The following ZRANB1 variants were observed in gnomAD, a reference collection of about 807,000 sequenced individuals.
The protein encoded by ZRANB1 is ubiquitin thioesterase ZRANB1.
ZRANB1 carries 16 observed loss-of-function variants against 80.5 expected under a neutral mutation model. That is an observed-to-expected ratio of 0.20 (90% CI 0.13 to 0.30). The LOEUF is 0.30. Ranked by LOEUF, ZRANB1 falls within the 10% of genes least tolerant of loss-of-function variation. ZRANB1 has a pLI of 1.00. For synonymous variants in ZRANB1, 291 were observed against 293.1 expected (o/e 0.99, Z 0.07); for missense variants, 576 against 862.6 (o/e 0.67, Z 4.16).
At chr10:124,940,627 CTATAAATGGTG>C, upstream of ZRANB1, 1 of 928,348 alleles carries the variant, frequency 1.1e-6, no homozygotes, top group South Asian at 1.4e-5. Context: ...AGAGTTCACA[CTATAAATGGTG>C]TATGGACTTG....
intron 8 of ZRANB1, 79 bp from the exon 9 acceptor site, chr10:124,984,695 G>GT: frequency 7.0e-7 from 1 of 1,434,784 alleles, no homozygotes; most frequent in Admixed American, 1.9e-5. Flanking sequence ...CATACCAGCT[G>GT]TAGGTTTCCA....
the ZRANB1 span, among the ~76,000 whole-genome samples, chr10:124,919,727 T>A: frequency 3.4e-5 from 5 of 148,100 alleles, no homozygotes; most frequent in Non-Finnish European, 5.9e-5. Context: ...TTCTCCTGCC[T>A]CATCCTCCCG....
intron 1 of ZRANB1, among the ~76,000 whole-genome samples, chr10:124,957,929 C>A (rs756216543): frequency 6.6e-6 from 1 of 152,204 alleles, no homozygotes. Context: ...GGGGTTTCAC[C>A]ATGTTGGCCA....
At chr10:124,970,926 C>T (rs1383631225) in intron 2 of ZRANB1, among the ~76,000 whole-genome samples, 1 of 149,882 alleles carries the variant, frequency 6.7e-6, no homozygotes, top group Non-Finnish European at 1.5e-5. Context: ...CAACTTCCTC[C>T]TCCCGGGTTC....
chr10:124,932,855 C>G, the ZRANB1 span, among the ~76,000 whole-genome samples: 15 of 152,122 alleles, frequency 9.9e-5, no homozygotes, highest in East Asian at 2.5e-3. Context: ...GAGCCACCCC[C>G]CTGCATTTGA....
At chr10:124,974,529 A>G in intron 5 of ZRANB1, 131 bp downstream of exon 5, 2 of 914,930 alleles carry the variant, frequency 2.2e-6, no homozygotes, top group Non-Finnish European at 3.3e-6. Context: ...CATTTTGGAC[A>G]TTAAAATACT....
At chr10:124,946,997 T>C (rs1182527563) in intron 1 of ZRANB1, among the ~76,000 whole-genome samples, 1 of 152,152 alleles carries the variant, frequency 6.6e-6, no homozygotes, top group Admixed American at 6.5e-5. Flanking sequence ...TGGAAAAAAA[T>C]TGCAACCTCA....
At chr10:124,973,936 G>A (rs1164673662) in intron 4 of ZRANB1, among the ~76,000 whole-genome samples, 1 of 152,140 alleles carries the variant, frequency 6.6e-6, no homozygotes, top group African/African-American at 2.4e-5. Flanking sequence ...TCCGCTTCCT[G>A]TTCCAGAATG....
intron 5 of ZRANB1, among the ~76,000 whole-genome samples, chr10:124,980,775 T>C (rs1951924610): frequency 6.6e-6 from 1 of 152,172 alleles, no homozygotes; most frequent in South Asian, 2.1e-4. Context: ...CATTTAACTT[T>C]TTTTTTCCCC....
Position 124,973,731 on chromosome 10 carries a change from A to T in ZRANB1, c.1228+15A>T, listed in dbSNP as rs1184721007. On this transcript the variant is annotated intron_variant, in intron 4 of 8. Transcript: ENST00000359653. ...CGTTCAAAAAGGTAAGCATGGAATT[A>T]ATGAGTATAATTTACCTTTCATCTG... The T allele has an allele frequency of 6.2e-6, 10 of 1,607,054 alleles. No homozygotes were observed. Among genetic ancestry groups the T allele is most frequent in the African/African-American group, 2.7e-5 (2 of 74,594 alleles).
intron 1 of ZRANB1, among the ~76,000 whole-genome samples, chr10:124,963,031 C>T (rs1211259671): frequency 3.9e-5 from 6 of 152,020 alleles, no homozygotes; most frequent in African/African-American, 1.4e-4. Flanking sequence ...TTTGGGAGGC[C>T]GAGGTGGGTG....
intron 8 of ZRANB1, 35 bp from the exon 9 acceptor site, chr10:124,984,739 A>G (rs1196909902): frequency 6.2e-7 from 1 of 1,600,258 alleles, no homozygotes. Context: ...GATCTGTTGT[A>G]TGATTTTCCC....
chr10:124,960,814 G>A (rs1361606791), intron 1 of ZRANB1, among the ~76,000 whole-genome samples: 1 of 152,158 alleles, frequency 6.6e-6, no homozygotes, highest in Non-Finnish European at 1.5e-5. Context: ...GAGATATAGT[G>A]TAATTATAAA....
At chr10:124,971,864 T>C in intron 2 of ZRANB1, 101 bp from the exon 3 acceptor site, 1 of 1,153,604 alleles carries the variant, frequency 8.7e-7, no homozygotes, top group Non-Finnish European at 1.2e-6. Context: ...AAAGAAAACC[T>C]TGAGTTATTG....
chr10:124,947,456 C>T (rs1048112553), intron 1 of ZRANB1, among the ~76,000 whole-genome samples: 8 of 152,150 alleles, frequency 5.3e-5, no homozygotes, highest in African/African-American at 1.9e-4. Flanking sequence ...TGAAATTGCA[C>T]TTCAATTTGT....
rs113437172 is a variant in ZRANB1, at chr10:124,984,764, C to G, written c.1909-10C>G. The G allele has an allele frequency of 1.5e-5, 24 of 1,611,066 alleles. No homozygotes were observed. In the South Asian group the frequency reaches 2.6e-4, roughly 18 times the overall value. On this transcript the variant is annotated splice_polypyrimidine_tract_variant and intron_variant, in intron 8 of 8. Coordinates refer to ENST00000359653, the MANE Select transcript of ZRANB1 (RefSeq NM_017580.3). The stretch of plus-strand genomic sequence containing the variant: ...ATGATTTTCCCTTTGTCTTCATATT[C>G]CTCCAAAAGCTAGGTAATGAGGAAC...
chr10:124,932,169 A>G, the ZRANB1 span, among the ~76,000 whole-genome samples: 1 of 152,186 alleles, frequency 6.6e-6, no homozygotes, highest in South Asian at 2.1e-4. Context: ...GCTGTATAAT[A>G]TTCCATTGTC....
chr10:124,920,142 C>G, the ZRANB1 span, among the ~76,000 whole-genome samples: 2 of 150,440 alleles, frequency 1.3e-5, no homozygotes, highest in South Asian at 2.1e-4. Flanking sequence ...AGGCTGGTCT[C>G]GAACTCCTGA....
intron 1 of ZRANB1, among the ~76,000 whole-genome samples, chr10:124,954,521 C>T (rs1184656481): frequency 6.8e-6 from 1 of 147,442 alleles, no homozygotes; most frequent in African/African-American, 2.5e-5. Context: ...AACCTCAGCT[C>T]ACTGCAACCT....
Sources: allele counts gnomAD v4.1 joint callset (sites outside exome capture counted in the v4.1 genomes callset), GRCh38; gene constraint gnomAD v4.1.1; transcripts MANE v1.5; gene names NCBI Gene and HGNC (gene_info 2026-07-23, HGNC 2026-07-21).